Variants in ARHGAP20 observed in about 807,000 individuals in gnomAD.
The protein encoded by ARHGAP20 is rho GTPase-activating protein 20.
In ARHGAP20, 34 loss-of-function variants were observed where a neutral mutation model predicts 73.7. The observed-to-expected ratio is 0.46, with a 90% CI of 0.35 to 0.61. The LOEUF (loss-of-function observed/expected upper bound fraction) is 0.61. Ranked by LOEUF, ARHGAP20 falls within the 20% of genes least tolerant of loss-of-function variation. The pLI, the probability that ARHGAP20 is intolerant of heterozygous loss-of-function variation, is 0.00. For synonymous variants in ARHGAP20, 523 were observed against 518.2 expected, an observed-to-expected ratio of 1.01 and a Z score of -0.13; for missense variants, 1,314 against 1,420.9, an observed-to-expected ratio of 0.92 and a Z score of 1.21.
At chr11:110,674,679 T>C (rs1166622204) in intron 2 of ARHGAP20, among the ~76,000 whole-genome samples, 1 of 152,120 alleles carries the variant, frequency 6.6e-6, no homozygotes, top group Non-Finnish European at 1.5e-5. Context: ...AAATCTGACA[T>C]CTGAAACACT....
intron 9 of ARHGAP20, among the ~76,000 whole-genome samples, chr11:110,594,965 C>T (rs930883865): frequency 6.6e-6 from 1 of 151,508 alleles, no homozygotes; most frequent in Non-Finnish European, 1.5e-5. Context: ...GGGCTTCATC[C>T]CTGGGATGCA....
intron 2 of ARHGAP20, among the ~76,000 whole-genome samples, chr11:110,638,618 G>A (rs142005386): frequency 3.9e-4 from 60 of 151,912 alleles, no homozygotes; most frequent in African/African-American, 1.4e-3. Context: ...AGATGAAATT[G>A]ACCAAGAAAA....
At chr11:110,654,139 C>T (rs2135022410) in intron 2 of ARHGAP20, among the ~76,000 whole-genome samples, 1 of 152,210 alleles carries the variant, frequency 6.6e-6, no homozygotes, top group Admixed American at 6.5e-5. Flanking sequence ...TGCAGCAAAT[C>T]ACCATGGCAC....
intron 2 of ARHGAP20, among the ~76,000 whole-genome samples, chr11:110,686,305 C>A (rs1950130801): frequency 6.6e-6 from 1 of 151,690 alleles, no homozygotes; most frequent in Non-Finnish European, 1.5e-5. Context: ...TTAAAAAAAA[C>A]TGCAAGAGAC....
At chr11:110,582,300 C>A (rs1409431929) in intron 14 of ARHGAP20, 21 bp downstream of exon 14, 1 of 1,563,910 alleles carries the variant, frequency 6.4e-7, no homozygotes. Context: ...TCACAAAAAC[C>A]AATCCAATTA....
intron 1 of ARHGAP20, among the ~76,000 whole-genome samples, chr11:110,702,679 T>C (rs1385033085): frequency 1.3e-5 from 2 of 152,128 alleles, no homozygotes; most frequent in African/African-American, 4.8e-5. Flanking sequence ...ATAAGCAACT[T>C]CAGCAGTCTC....
chr11:110,695,215 CA>C (rs764414098), intron 1 of ARHGAP20, among the ~76,000 whole-genome samples: 3 of 151,462 alleles, frequency 2.0e-5, no homozygotes, highest in Non-Finnish European at 4.4e-5. Flanking sequence ...CTAAAAGTAC[CA>C]GCTAAAAATT....
chr11:110,610,453 A>G (rs1565437072), intron 7 of ARHGAP20, among the ~76,000 whole-genome samples: 1 of 152,184 alleles, frequency 6.6e-6, no homozygotes, highest in Non-Finnish European at 1.5e-5. Context: ...GCTTATATAC[A>G]GTGTACTTTC....
At chr11:110,700,878 T>G (rs1292909206) in intron 1 of ARHGAP20, among the ~76,000 whole-genome samples, 1 of 151,696 alleles carries the variant, frequency 6.6e-6, no homozygotes, top group African/African-American at 2.4e-5. Flanking sequence ...CTGAGAATGA[T>G]GATTTCCAAT....
At chr11:110,684,341 ATTCT>A (rs978773099) in intron 2 of ARHGAP20, among the ~76,000 whole-genome samples, 81 of 152,268 alleles carry the variant, frequency 5.3e-4, no homozygotes, top group African/African-American at 1.9e-3. Flanking sequence ...ACTATTCAAA[ATTCT>A]TTCTTAAAAA....
rs545168410 is a variant in ARHGAP20, at chr11:110,700,100, A to T, written c.106-9471T>A. Among the ~76,000 whole-genome samples the T allele has an allele frequency of 7.9e-5, 12 of 152,174 alleles. No homozygotes were observed. In the South Asian group the frequency reaches 2.5e-3, roughly 32 times the overall value. On this transcript the variant is annotated intron_variant, in intron 1 of 14. Transcript: ENST00000683387. ...TTTTTGGAACCTCTAAATCACTCTG[A>T]ATCTGCTCATTATTAGTTCTCACAG...
intron 1 of ARHGAP20, 95 bp from the exon 2 acceptor site, chr11:110,690,724 G>A (rs1396536381): frequency 1.3e-5 from 16 of 1,199,220 alleles, no homozygotes; most frequent in Non-Finnish European, 1.9e-5. Context: ...GTTTTGCATT[G>A]CCTATCTTTG....
Position 110,577,894 on chromosome 11 carries a change from G to C in ARHGAP20, c.*1476C>G. ...TTAGAACAAAAAAGAAAGAACATTTGATATGACCATTTTCTGGTGATTAAT... is the reference window on the plus strand; with the variant it reads ...TTAGAACAAAAAAGAAAGAACATTTCATATGACCATTTTCTGGTGATTAAT... On this transcript the variant is annotated 3_prime_UTR_variant, in exon 15 of 15. Coordinates refer to ENST00000683387, the MANE Select transcript of ARHGAP20 (RefSeq NM_001384657.1). The C allele has an allele frequency of 2.0e-5, 20 of 985,648 alleles. No individual in the cohort carries two copies. The highest frequency in any genetic ancestry group is 2.4e-5 in the Non-Finnish European group (20 of 829,798). 61.1% of individuals were successfully genotyped at this position (985,648 alleles called of 1,614,324 possible). A position where few individuals can be genotyped will look rare whatever the true frequency, so the allele number is the denominator to read the frequency against.
chr11:110,685,494 T>TA (rs34975209), intron 2 of ARHGAP20, among the ~76,000 whole-genome samples: 42,437 of 151,512 alleles, frequency 0.28, 6,271 homozygotes, highest in African/African-American at 0.39. Flanking sequence ...GGTGCCACAT[T>TA]AAAAAAAATG....
At chr11:110,637,426 A>G (rs1466073293) in intron 2 of ARHGAP20, among the ~76,000 whole-genome samples, 1 of 152,074 alleles carries the variant, frequency 6.6e-6, no homozygotes, top group Non-Finnish European at 1.5e-5. Context: ...CTCAAAGCCC[A>G]TTCCAAATAT....
chr11:110,605,697 C>T (rs1336506582), intron 9 of ARHGAP20, among the ~76,000 whole-genome samples: 1 of 152,188 alleles, frequency 6.6e-6, no homozygotes, highest in African/African-American at 2.4e-5. Flanking sequence ...CAGACTTTCC[C>T]CTGGCACTCA....
intron 14 of ARHGAP20, among the ~76,000 whole-genome samples, chr11:110,581,843 C>G (rs1359484874): frequency 2.0e-5 from 3 of 151,480 alleles, no homozygotes; most frequent in Non-Finnish European, 4.4e-5. Context: ...TGTTCCCCCA[C>G]CTCAAATGAT....
At chr11:110,701,421 T>A (rs1420290228) in intron 1 of ARHGAP20, among the ~76,000 whole-genome samples, 1 of 152,170 alleles carries the variant, frequency 6.6e-6, no homozygotes, top group South Asian at 2.1e-4. Flanking sequence ...TTGCCCACTT[T>A]CTGATGGGGT....
At chr11:110,592,237 T>C in intron 9 of ARHGAP20, 82 bp from the exon 10 acceptor site, 4 of 1,339,438 alleles carry the variant, frequency 3.0e-6, no homozygotes, top group Non-Finnish European at 4.1e-6. Context: ...ATGGTATGTT[T>C]GTTGCTATGG....
Sources: gnomAD v4.1 joint callset for allele counts (sites outside exome capture counted in the v4.1 genomes callset) on GRCh38, gnomAD v4.1.1 for gene constraint, MANE v1.5 for transcripts, NCBI Gene and HGNC (gene_info 2026-07-23, HGNC 2026-07-21) for gene names.